The following NLGN1 variants were observed in gnomAD, a reference collection of about 807,000 sequenced individuals.
The protein encoded by NLGN1 is neuroligin-1.
A neutral mutation model predicts 65.5 loss-of-function variants in NLGN1; 12 were observed. That is an observed-to-expected ratio of 0.18 (90% CI 0.12 to 0.30). The LOEUF (loss-of-function observed/expected upper bound fraction) is 0.30, where lower values mean the gene tolerates loss of function less well. Among genes scored for constraint, NLGN1 ranks in the 10% least tolerant of loss-of-function variants. The pLI, the probability that NLGN1 is intolerant of heterozygous loss-of-function variation, is 1.00. For missense variants in NLGN1, 750 were observed against 1,007.1 expected, an observed-to-expected ratio of 0.74 and a Z score of 3.46; for synonymous variants, 350 against 359.5, an observed-to-expected ratio of 0.97 and a Z score of 0.30.
intron 1 of NLGN1, among the ~76,000 whole-genome samples, chr3:173,423,848 G>A (rs11921847): frequency 0.019 from 2,950 of 152,262 alleles, 104 homozygotes; most frequent in African/African-American, 0.067. Flanking sequence ...ACTAGGCAGT[G>A]CCCCAGTGGA....
At chr3:173,747,425 A>C (rs1775635441) in intron 3 of NLGN1, among the ~76,000 whole-genome samples, 1 of 148,076 alleles carries the variant, frequency 6.8e-6, no homozygotes, top group South Asian at 2.1e-4. Flanking sequence ...TTAGTACATA[A>C]AACAGAGCCT....
At chr3:173,492,193 C>T (rs1272361159) in intron 2 of NLGN1, among the ~76,000 whole-genome samples, 3 of 151,698 alleles carry the variant, frequency 2.0e-5, no homozygotes, top group Admixed American at 6.6e-5. Context: ...GAAAAATGCA[C>T]GAAAAGTGTT....
At chr3:173,683,297 T>C (rs1764227888) in intron 3 of NLGN1, among the ~76,000 whole-genome samples, 2 of 152,158 alleles carry the variant, frequency 1.3e-5, no homozygotes, top group South Asian at 2.1e-4. Flanking sequence ...CTCTTCCTCT[T>C]CCCCCCATGG....
intron 2 of NLGN1, among the ~76,000 whole-genome samples, chr3:173,548,888 G>A (rs1740367238): frequency 1.3e-5 from 2 of 151,524 alleles, no homozygotes; most frequent in South Asian, 2.1e-4. Flanking sequence ...TATTCTACAC[G>A]GTACCACTAA....
intron 2 of NLGN1, among the ~76,000 whole-genome samples, chr3:173,529,929 A>C (rs971911709): frequency 6.7e-6 from 1 of 148,992 alleles, no homozygotes; most frequent in Non-Finnish European, 1.5e-5. Flanking sequence ...TAATTCCCCA[A>C]CTCCCATGTT....
chr3:173,784,878 A>T (rs1781713955), intron 3 of NLGN1, among the ~76,000 whole-genome samples: 1 of 152,242 alleles, frequency 6.6e-6, no homozygotes, highest in Non-Finnish European at 1.5e-5. Context: ...GCAAGACAAA[A>T]TTAGGCAGAG....
chr3:174,269,552 G>A (rs1229399956), intron 4 of NLGN1, among the ~76,000 whole-genome samples: 4 of 151,812 alleles, frequency 2.6e-5, no homozygotes, highest in Non-Finnish European at 5.9e-5. Flanking sequence ...TCCATCATAT[G>A]TATATTTTCT....
At chr3:174,034,229 A>G (rs1730642989) in intron 4 of NLGN1, among the ~76,000 whole-genome samples, 1 of 152,102 alleles carries the variant, frequency 6.6e-6, no homozygotes, top group African/African-American at 2.4e-5. Context: ...TTATTCTTCA[A>G]ACATGAAAGA....
chr3:173,604,571 C>A, exon 3 of NLGN1: 2 of 1,608,022 alleles, frequency 1.2e-6, no homozygotes, highest in East Asian at 4.5e-5. Flanking sequence ...TCACTGTAAC[C>A]AGACAACTAG....
chr3:173,413,121 C>T (rs942529616), intron 1 of NLGN1, among the ~76,000 whole-genome samples: 2 of 151,904 alleles, frequency 1.3e-5, no homozygotes, highest in Admixed American at 6.6e-5. Context: ...TCGCAGACTG[C>T]CCATTCCTAA....
At chr3:173,475,340 A>G (rs1012953554) in intron 2 of NLGN1, among the ~76,000 whole-genome samples, 7 of 152,076 alleles carry the variant, frequency 4.6e-5, no homozygotes, top group African/African-American at 1.7e-4. Context: ...AATCCTTTAA[A>G]AGAAATAATA....
At chr3:173,694,405 AATGTTTCATT>A (rs1403010984) in intron 3 of NLGN1, among the ~76,000 whole-genome samples, 4 of 152,132 alleles carry the variant, frequency 2.6e-5, no homozygotes, top group African/African-American at 9.7e-5. Context: ...AGGCCCATTT[AATGTTTCATT>A]ATGTTTGGTT....
intron 4 of NLGN1, among the ~76,000 whole-genome samples, chr3:173,880,520 G>A (rs750183646): frequency 5.3e-5 from 8 of 151,292 alleles, no homozygotes; most frequent in Non-Finnish European, 1.2e-4. Context: ...GCTTTTAAAA[G>A]CTACGTTTAC....
intron 1 of NLGN1, among the ~76,000 whole-genome samples, chr3:173,408,920 A>T (rs924098834): frequency 6.6e-6 from 1 of 151,986 alleles, no homozygotes; most frequent in South Asian, 2.1e-4. Context: ...TCAAAAAAAA[A>T]AAAAAAAGAA....
At chr3:173,938,857 C>A (rs969119597) in intron 4 of NLGN1, among the ~76,000 whole-genome samples, 2 of 151,970 alleles carry the variant, frequency 1.3e-5, no homozygotes, top group African/African-American at 4.8e-5. Context: ...TCCTTAGTGG[C>A]AAGAGCAGGA....
intron 4 of NLGN1, among the ~76,000 whole-genome samples, chr3:173,837,345 AGT>A (rs1402941687): frequency 6.6e-6 from 1 of 152,168 alleles, no homozygotes; most frequent in African/African-American, 2.4e-5. Flanking sequence ...TTAATTTAAA[AGT>A]GTATCTATAT....
At position 173,769,611 on chromosome 3, in the gene NLGN1, G is replaced by C. The variant is rs548486688; in HGVS notation, c.494-38069G>C. 9.9e-4 allele frequency among the ~76,000 whole-genome samples: 151 copies of C among 152,278 alleles called. 1 individual carries two copies. The highest frequency in any genetic ancestry group is 3.4e-3 in the African/African-American group (141 of 41,560). On this transcript the variant is annotated intron_variant, in intron 3 of 6. Transcript: ENST00000457714. ...TTTGAAAGGTGTGTCTATGTCTCAA[G>C]AACCTTTTTATTTATGCCAATTCAT...
At chr3:173,542,217 C>A (rs1272403298) in intron 2 of NLGN1, among the ~76,000 whole-genome samples, 1 of 151,590 alleles carries the variant, frequency 6.6e-6, no homozygotes, top group Non-Finnish European at 1.5e-5. Context: ...TTCTAAGAGC[C>A]CTGTCTTATT....
At chr3:174,143,241 T>C (rs1466070407) in intron 4 of NLGN1, among the ~76,000 whole-genome samples, 1 of 152,136 alleles carries the variant, frequency 6.6e-6, no homozygotes, top group Non-Finnish European at 1.5e-5. Context: ...AAATAGTACA[T>C]AAATACTGTT....
Sources: allele counts gnomAD v4.1 joint callset (sites outside exome capture counted in the v4.1 genomes callset), GRCh38; gene constraint gnomAD v4.1.1; transcripts MANE v1.5; gene names NCBI Gene and HGNC (gene_info 2026-07-23, HGNC 2026-07-21).